Variants in GRIK4 observed in about 807,000 individuals in gnomAD.
GRIK4 encodes the protein glutamate ionotropic receptor kainate type subunit 4, also known as glutamate receptor ionotropic, kainate 4.
GRIK4 carries 40 observed loss-of-function variants against 104.9 expected under a neutral mutation model. The ratio of observed to expected loss-of-function variants is 0.38; its 90% CI spans 0.30 to 0.50. The LOEUF (loss-of-function observed/expected upper bound fraction) is 0.50, where lower values mean the gene tolerates loss of function less well. Among genes scored for constraint, GRIK4 ranks in the 20% least tolerant of loss-of-function variants. The probability of loss-of-function intolerance (pLI) is 0.93; values close to 1 mark genes in which losing one functional copy is unlikely to be tolerated. For synonymous variants in GRIK4, 485 were observed against 524.9 expected (o/e 0.92, Z 1.04); for missense variants, 1,047 against 1,308.1 (o/e 0.80, Z 3.08).
intron 8 of GRIK4, among the ~76,000 whole-genome samples, chr11:120,855,615 G>C (rs1017406245): frequency 2.0e-5 from 3 of 150,358 alleles, no homozygotes; most frequent in South Asian, 2.1e-4. Context: ...CTGGAGTGCA[G>C]TGGCACCATC....
Position 120,862,758 on chromosome 11 carries a change from GTTC to G in GRIK4, c.906+643_906+645del, listed in dbSNP as rs1270136217. Reference sequence around the variant, plus strand: ...ATGGCCATTCTCCACTGAGTTGGATGTTCTTCTCCGTGGGGCAGGCCAAGAATA... The same window carrying G: ...ATGGCCATTCTCCACTGAGTTGGATGTTCTCCGTGGGGCAGGCCAAGAATA... On this transcript the variant is annotated intron_variant, in intron 9 of 20. Coordinates refer to ENST00000527524, the MANE Select transcript of GRIK4 (RefSeq NM_014619.5). Among the ~76,000 whole-genome samples, 5 of 152,298 alleles carry G rather than the reference GTTC, an allele frequency of 3.3e-5. No individual in the cohort carries two copies. In the East Asian group the frequency reaches 9.6e-4, roughly 29 times the overall value.
chr11:120,916,615 T>C (rs1436088462), intron 13 of GRIK4, among the ~76,000 whole-genome samples: 1 of 152,210 alleles, frequency 6.6e-6, no homozygotes, highest in Non-Finnish European at 1.5e-5. Context: ...TGAGCTTCGA[T>C]GTGATACCGC....
At chr11:120,641,733 A>G (rs1460326312) in intron 1 of GRIK4, among the ~76,000 whole-genome samples, 9 of 152,076 alleles carry the variant, frequency 5.9e-5, no homozygotes, top group African/African-American at 1.9e-4. Flanking sequence ...CGTTTACCAC[A>G]CACCCTGTTT....
chr11:120,817,776 T>C lies in GRIK4; in HGVS notation c.346-1979T>C, dbSNP rs562879506. 2.2e-4 allele frequency among the ~76,000 whole-genome samples: 33 copies of C among 152,354 alleles called. No individual in the cohort carries two copies. The East Asian group carries it at 5.8e-3, about 27-fold the overall frequency. On this transcript the variant is annotated intron_variant, in intron 5 of 20. Transcript: ENST00000527524. The stretch of plus-strand genomic sequence containing the variant: ...AGAGCCCAGTGGGCTTCAAGGAGAC[T>C]GTGCCGAAGGCTCCCCATCAGCTCC...
At chr11:120,923,313 C>T (rs1010467931) in intron 13 of GRIK4, among the ~76,000 whole-genome samples, 3 of 150,938 alleles carry the variant, frequency 2.0e-5, no homozygotes, top group African/African-American at 7.3e-5. Flanking sequence ...AGGATGGAGA[C>T]AAGATGCCAG....
At chr11:120,882,835 A>ACTGGCCCTTCTGAGGCT (rs2135707871) in intron 11 of GRIK4, among the ~76,000 whole-genome samples, 1 of 152,192 alleles carries the variant, frequency 6.6e-6, no homozygotes, top group Admixed American at 6.5e-5. Context: ...CCTCGTCTGC[A>ACTGGCCCTTCTGAGGCT]CTGGCCCTTC....
intron 3 of GRIK4, among the ~76,000 whole-genome samples, chr11:120,718,710 G>A (rs189041370): frequency 6.6e-5 from 10 of 152,364 alleles, no homozygotes; most frequent in South Asian, 2.1e-4. Flanking sequence ...GTCCAGGGCT[G>A]TGGGTCTGCC....
At chr11:120,977,822 C>G (rs746116460) in intron 19 of GRIK4, among the ~76,000 whole-genome samples, 48 of 152,158 alleles carry the variant, frequency 3.2e-4, no homozygotes, top group African/African-American at 1.1e-3. Flanking sequence ...CAGTGCAGGC[C>G]ACATGCCTGT....
chr11:120,626,216 A>C (rs1949256613), intron 1 of GRIK4, among the ~76,000 whole-genome samples: 1 of 152,206 alleles, frequency 6.6e-6, no homozygotes, highest in Non-Finnish European at 1.5e-5. Flanking sequence ...GAGGGCTGTC[A>C]GCAGCCCAGG....
intron 1 of GRIK4, among the ~76,000 whole-genome samples, chr11:120,567,233 C>T (rs958869587): frequency 3.3e-5 from 5 of 152,042 alleles, no homozygotes; most frequent in Non-Finnish European, 2.9e-5. Flanking sequence ...GATCATGGCT[C>T]ACTGCAGCCT....
chr11:120,785,002 C>T (rs1224562254), intron 3 of GRIK4, among the ~76,000 whole-genome samples: 1 of 152,182 alleles, frequency 6.6e-6, no homozygotes, highest in East Asian at 1.9e-4. Flanking sequence ...AGGTAACAGG[C>T]AGACCTTGCC....
chr11:120,812,242 AC>A (rs754169541), intron 4 of GRIK4, among the ~76,000 whole-genome samples: 2 of 152,206 alleles, frequency 1.3e-5, no homozygotes, highest in Non-Finnish European at 2.9e-5. Flanking sequence ...GGCCAGGATG[AC>A]TGTGGCTTTG....
intron 18 of GRIK4, among the ~76,000 whole-genome samples, chr11:120,966,737 A>G (rs1260176597): frequency 6.6e-6 from 1 of 152,156 alleles, no homozygotes; most frequent in Non-Finnish European, 1.5e-5. Context: ...TGTCACAGAA[A>G]CACAAACTTT....
intron 13 of GRIK4, among the ~76,000 whole-genome samples, chr11:120,918,335 C>T (rs1040694826): frequency 5.9e-5 from 9 of 152,228 alleles, no homozygotes; most frequent in Non-Finnish European, 1.2e-4. Flanking sequence ...TTGACCCATT[C>T]TGATGTACTT....
chr11:120,938,237 A>G (rs1200881010), intron 13 of GRIK4, among the ~76,000 whole-genome samples: 2 of 152,210 alleles, frequency 1.3e-5, no homozygotes, highest in East Asian at 1.9e-4. Flanking sequence ...GCAACTGTCT[A>G]AAGAGTCCCC....
chr11:120,883,593 G>T (rs1392440643), intron 11 of GRIK4, among the ~76,000 whole-genome samples: 1 of 152,144 alleles, frequency 6.6e-6, no homozygotes, highest in African/African-American at 2.4e-5. Flanking sequence ...TGCCTTCCTG[G>T]CCCATGTAAG....
Position 120,692,333 on chromosome 11 carries a change from G to T in GRIK4, c.82+31933G>T, listed in dbSNP as rs759306475. ...TAGCCCCACCGGGGCACAGTTACTC[G>T]TTTAAAACCTAAACCATTGTCTTTG... On this transcript the variant is annotated intron_variant, in intron 3 of 20. Coordinates refer to ENST00000527524, the MANE Select transcript of GRIK4 (RefSeq NM_014619.5). Among the ~76,000 whole-genome samples the T allele has an allele frequency of 6.6e-5, 10 of 152,204 alleles. No individual in the cohort carries two copies. In the East Asian group the frequency reaches 1.9e-3, roughly 29 times the overall value.
chr11:120,891,747 T>G (rs1265538491), intron 11 of GRIK4, among the ~76,000 whole-genome samples: 4 of 152,134 alleles, frequency 2.6e-5, no homozygotes, highest in Non-Finnish European at 5.9e-5. Context: ...GATGAATGTT[T>G]GGAAGGAAAA....
At chr11:120,665,493 G>A (rs570010263) in intron 3 of GRIK4, among the ~76,000 whole-genome samples, 4 of 152,304 alleles carry the variant, frequency 2.6e-5, no homozygotes, top group East Asian at 1.9e-4. Context: ...TAGGGAGGCT[G>A]TGTCTTTCTT....
Sources: gnomAD v4.1 joint callset for allele counts (sites outside exome capture counted in the v4.1 genomes callset) on GRCh38, gnomAD v4.1.1 for gene constraint, MANE v1.5 for transcripts, NCBI Gene and HGNC (gene_info 2026-07-23, HGNC 2026-07-21) for gene names.